The following CNTRL variants were observed in gnomAD, a reference collection of about 807,000 sequenced individuals.
CNTRL encodes 110 kDa centrosomal protein.
A neutral mutation model predicts 303.7 loss-of-function variants in CNTRL; 233 were observed. The ratio of observed to expected loss-of-function variants is 0.77; its 90% CI spans 0.69 to 0.86. The LOEUF (loss-of-function observed/expected upper bound fraction) is 0.86. CNTRL is among the 40% of genes least tolerant of loss of function. The pLI, the probability that CNTRL is intolerant of heterozygous loss-of-function variation, is 0.00. For missense variants in CNTRL, 2,524 were observed against 2,650.6 expected (o/e 0.95, Z 1.05); for synonymous variants, 900 against 922.2 (o/e 0.98, Z 0.44).
rs1180639057 is a variant in CNTRL, at chr9:121,113,734, A to G, written c.1345+10A>G. On this transcript the variant is annotated intron_variant, in intron 10 of 43. Transcript: ENST00000373855. ...AAAAAAATAAGTGCAGGTTAAAAAA[A>G]GTTATTTTAAATTCTTTAAAAAAAA... The G allele has an allele frequency of 2.0e-6, 3 of 1,489,658 alleles. No homozygotes were observed. Among genetic ancestry groups the G allele is most frequent in the Non-Finnish European group, 2.7e-6 (3 of 1,123,150 alleles). The allele number at this position is 1,489,658 out of a possible 1,614,324, so 92.3% of individuals were successfully genotyped here.
At position 121,175,179 on chromosome 9, in the gene CNTRL, G is replaced by GCTGGAGTCTTCC. The variant is rs1196565236; in HGVS notation, c.6912_6923dup (p.Glu2305_Leu2308dup). On this transcript the variant is annotated inframe_insertion, in exon 43 of 44. Coordinates refer to ENST00000373855, the MANE Select transcript of CNTRL (RefSeq NM_007018.6). ...CAGCGTCATCACCCAGTCTGTCTCA[G>GCTGGAGTCTTCC]CTGGAGTCTTCCCTCACAGAGGACT... 1.2e-6 allele frequency: 2 copies of GCTGGAGTCTTCC among 1,614,038 alleles called. No homozygotes were observed. Among genetic ancestry groups the GCTGGAGTCTTCC allele is most frequent in the African/African-American group, 2.7e-5 (2 of 74,928 alleles).
chr9:121,153,816 C>G (rs550396655), intron 26 of CNTRL, among the ~76,000 whole-genome samples: 1 of 152,206 alleles, frequency 6.6e-6, no homozygotes, highest in East Asian at 1.9e-4. Flanking sequence ...GTAAGTAAGA[C>G]GTGGTCACTG....
intron 32 of CNTRL, chr9:121,161,162 G>A (rs752848769): frequency 8.3e-5 from 32 of 386,704 alleles, no homozygotes; most frequent in Non-Finnish European, 1.5e-4. Flanking sequence ...GTGCTCACGC[G>A]CACACACATG....
chr9:121,139,005 C>G (rs1254008165), intron 16 of CNTRL, among the ~76,000 whole-genome samples: 1 of 152,146 alleles, frequency 6.6e-6, no homozygotes, highest in African/African-American at 2.4e-5. Flanking sequence ...CCAGACCAAA[C>G]TAAAAGGATC....
intron 14 of CNTRL, among the ~76,000 whole-genome samples, chr9:121,126,474 T>C (rs1220948681): frequency 1.3e-5 from 2 of 152,216 alleles, no homozygotes; most frequent in East Asian, 1.9e-4. Flanking sequence ...AAACTTCTTG[T>C]TCAGTAGAGC....
rs2051752042 is a variant in CNTRL at position 121,144,964 on chromosome 9, G to A, written c.3168+5G>A. On this transcript the variant is annotated splice_donor_5th_base_variant and intron_variant, in intron 21 of 43. Coordinates refer to ENST00000373855, the MANE Select transcript of CNTRL (RefSeq NM_007018.6). ...CTCAGGCAGAAGGGGGAGCAGGTCA[G>A]TGTTGGTACCCAGAGACCTCCTCTT... 3.7e-6 allele frequency: 6 copies of A among 1,604,984 alleles called. No individual in the cohort carries two copies. The highest frequency in any genetic ancestry group is 5.1e-6 in the Non-Finnish European group (6 of 1,172,112).
intron 17 of CNTRL, 79 bp from the exon 18 acceptor site, chr9:121,141,302 G>A (rs1351100739): frequency 1.7e-6 from 2 of 1,147,224 alleles, no homozygotes; most frequent in East Asian, 2.4e-5. Flanking sequence ...TTACTCTGGA[G>A]CTAAAGTTAA....
chr9:121,140,823 C>CCT (rs1564261826), intron 17 of CNTRL, 37 bp downstream of exon 17: 1 of 1,586,832 alleles, frequency 6.3e-7, no homozygotes, highest in Non-Finnish European at 8.6e-7. Flanking sequence ...CTAGAGTGGG[C>CCT]CTCACAACTT....
In CNTRL at chr9:121,150,173, C is replaced by A; in HGVS notation, c.3653C>A (p.Ala1218Glu). 2 of 1,599,482 alleles carry A rather than the reference C, an allele frequency of 1.3e-6. No individual in the cohort carries two copies. The highest frequency in any genetic ancestry group is 1.7e-6 in the Non-Finnish European group (2 of 1,172,108). The change falls in exon 25 of 44, where the codon GCA (alanine) becomes GAA (glutamate). Residue 1218 changes from alanine (A) to glutamate (E), a missense_variant. Ala to Glu is a moderately radical substitution (Grantham distance 107). Coordinates refer to ENST00000373855, the MANE Select transcript of CNTRL (RefSeq NM_007018.6). Reference sequence around the variant, plus strand: ...TCTTCTGTTTATTTCTTTGAAGATGCAGACAGTGGAGGAGATAGTCAGGAA... The same window carrying A: ...TCTTCTGTTTATTTCTTTGAAGATGAAGACAGTGGAGGAGATAGTCAGGAA... ...GLHKLFPSRDADSGGDSQEES... is the reference protein window; with the variant it reads ...GLHKLFPSRDEDSGGDSQEES...
At chr9:121,154,676 G>A (rs1277311518) in intron 26 of CNTRL, 45 bp from the exon 27 acceptor site, 2 of 1,180,302 alleles carry the variant, frequency 1.7e-6, no homozygotes, top group East Asian at 2.4e-5. Flanking sequence ...TATCTGTATT[G>A]TCTACATTTA....
At chr9:121,123,427 C>A (rs908952483) in intron 12 of CNTRL, among the ~76,000 whole-genome samples, 2 of 152,084 alleles carry the variant, frequency 1.3e-5, no homozygotes, top group East Asian at 3.9e-4. Context: ...CTAAAAAAAA[C>A]AACAAAAAGT....
At chr9:121,119,954 TC>T (rs1349232636) in intron 12 of CNTRL, among the ~76,000 whole-genome samples, 1 of 152,224 alleles carries the variant, frequency 6.6e-6, no homozygotes, top group Admixed American at 6.5e-5. Flanking sequence ...GAATGTTTCT[TC>T]CTGAGATATG....
chr9:121,132,125 G>A (rs963358667), intron 14 of CNTRL, among the ~76,000 whole-genome samples: 1 of 152,070 alleles, frequency 6.6e-6, no homozygotes, highest in African/African-American at 2.4e-5. Flanking sequence ...TGCTCTTCTC[G>A]AGGAGTATCT....
chr9:121,156,958 G>T (rs1005423527), intron 27 of CNTRL, among the ~76,000 whole-genome samples: 1 of 152,058 alleles, frequency 6.6e-6, no homozygotes, highest in Non-Finnish European at 1.5e-5. Flanking sequence ...CACTTAGTTG[G>T]GTAGATAGTT....
intron 27 of CNTRL, among the ~76,000 whole-genome samples, chr9:121,157,230 A>G (rs1038603824): frequency 6.6e-6 from 1 of 152,202 alleles, no homozygotes; most frequent in African/African-American, 2.4e-5. Context: ...CACTTTGTTA[A>G]TGCATTATCA....
chr9:121,098,784 T>C (rs1451008397), intron 7 of CNTRL, among the ~76,000 whole-genome samples: 1 of 150,882 alleles, frequency 6.6e-6, no homozygotes, highest in East Asian at 1.9e-4. Context: ...GGAAGACATA[T>C]GGTGCTGCTG....
At chr9:121,127,406 C>G (rs1302149228) in intron 14 of CNTRL, among the ~76,000 whole-genome samples, 1 of 152,134 alleles carries the variant, frequency 6.6e-6, no homozygotes, top group Non-Finnish European at 1.5e-5. Context: ...AATTACTTTT[C>G]ATAGTGAGTT....
chr9:121,168,823 G>A (rs1474408645), intron 38 of CNTRL, among the ~76,000 whole-genome samples: 4 of 152,108 alleles, frequency 2.6e-5, no homozygotes, highest in African/African-American at 9.7e-5. Flanking sequence ...ATCAGTAAAT[G>A]GTTTTTCTCT....
intron 7 of CNTRL, among the ~76,000 whole-genome samples, chr9:121,104,758 A>G (rs1039164485): frequency 3.6e-5 from 5 of 140,244 alleles, no homozygotes; most frequent in African/African-American, 5.2e-5. Context: ...CTGGAGTGCA[A>G]TGGTGCGATC....
Sources: allele counts gnomAD v4.1 joint callset (sites outside exome capture counted in the v4.1 genomes callset), GRCh38; gene constraint gnomAD v4.1.1; transcripts MANE v1.5; gene names NCBI Gene and HGNC (gene_info 2026-07-23, HGNC 2026-07-21).